The following LTBP1 variants were observed in gnomAD, a reference collection of about 807,000 sequenced individuals.
LTBP1 encodes latent transforming growth factor beta binding protein 1.
In LTBP1, 129 loss-of-function variants were observed where a neutral mutation model predicts 207.6. That is an observed-to-expected ratio of 0.62 (90% CI 0.54 to 0.72). LTBP1 has a LOEUF of 0.72. Among genes scored for constraint, LTBP1 ranks in the 30% least tolerant of loss-of-function variants. The probability of loss-of-function intolerance (pLI) is 0.00; values close to 1 mark genes in which losing one functional copy is unlikely to be tolerated. For missense variants in LTBP1, 2,281 were observed against 2,217.2 expected (o/e 1.03, Z -0.58); for synonymous variants, 963 against 833.7 (o/e 1.16, Z -2.67).
At chr2:33,071,227 A>G (rs1369664843) in intron 3 of LTBP1, among the ~76,000 whole-genome samples, 1 of 152,156 alleles carries the variant, frequency 6.6e-6, no homozygotes, top group East Asian at 1.9e-4. Context: ...TTGGTTCCTC[A>G]TGGCTTTTGG....
intron 5 of LTBP1, among the ~76,000 whole-genome samples, chr2:33,170,433 G>A (rs2085322178): frequency 6.6e-6 from 1 of 152,264 alleles, no homozygotes; most frequent in South Asian, 2.1e-4. Flanking sequence ...AAACTGCAAG[G>A]CCGCGGCCAG....
intron 5 of LTBP1, among the ~76,000 whole-genome samples, chr2:33,172,768 A>G (rs1447845908): frequency 3.3e-5 from 5 of 152,212 alleles, no homozygotes; most frequent in Non-Finnish European, 7.3e-5. Context: ...AGCTCTCCTC[A>G]GCAAATGTAA....
chr2:33,024,879 C>G (rs2075340724), intron 3 of LTBP1, among the ~76,000 whole-genome samples: 4 of 152,186 alleles, frequency 2.6e-5, no homozygotes. Flanking sequence ...AATCCAGGGG[C>G]TGCAGCCAAG....
At chr2:33,104,582 CTGACTCGATCCTTGTTTTTCTCCTCTTCT>C in intron 3 of LTBP1, among the ~76,000 whole-genome samples, 2 of 152,198 alleles carry the variant, frequency 1.3e-5, no homozygotes, top group South Asian at 4.1e-4. Flanking sequence ...CATTTTTGAA[CTGACTCGATCCTTGTTTTTCTCCTCTTCT>C]GACTTTTTGG....
At chr2:33,111,770 G>A (rs1412677249) in intron 4 of LTBP1, among the ~76,000 whole-genome samples, 2 of 152,128 alleles carry the variant, frequency 1.3e-5, no homozygotes, top group African/African-American at 2.4e-5. Context: ...TCAGTGACCG[G>A]TGGCTAGACC....
chr2:33,308,386 A>G (rs764860510), intron 22 of LTBP1, among the ~76,000 whole-genome samples: 4 of 152,194 alleles, frequency 2.6e-5, no homozygotes, highest in Non-Finnish European at 4.4e-5. Flanking sequence ...GGCTACCTCA[A>G]ACCTGTTTGT....
At chr2:33,273,302 G>A (rs2093359713) in intron 15 of LTBP1, among the ~76,000 whole-genome samples, 1 of 152,112 alleles carries the variant, frequency 6.6e-6, no homozygotes, top group Non-Finnish European at 1.5e-5. Context: ...TATCATCTAA[G>A]ATGAACTACA....
chr2:33,082,629 G>T (rs1028889661), intron 3 of LTBP1, among the ~76,000 whole-genome samples: 4 of 151,842 alleles, frequency 2.6e-5, no homozygotes, highest in Admixed American at 1.3e-4. Flanking sequence ...GTTTCACCAC[G>T]TTAGCCAGGA....
chr2:33,170,227 G>A (rs1313391616), intron 5 of LTBP1, among the ~76,000 whole-genome samples: 1 of 152,186 alleles, frequency 6.6e-6, no homozygotes, highest in Non-Finnish European at 1.5e-5. Context: ...AAGCGCAAGG[G>A]GTCAGGGAGT....
At chr2:33,065,496 G>A (rs1460025579) in intron 3 of LTBP1, among the ~76,000 whole-genome samples, 3 of 152,238 alleles carry the variant, frequency 2.0e-5, no homozygotes, top group East Asian at 3.9e-4. Flanking sequence ...TGAGGTTACA[G>A]TGATGATCAT....
intron 2 of LTBP1, among the ~76,000 whole-genome samples, chr2:32,991,384 G>T (rs891586982): frequency 1.3e-5 from 2 of 152,122 alleles, no homozygotes; most frequent in African/African-American, 4.8e-5. Context: ...AAATATAGTT[G>T]TTTAACTTTT....
chr2:33,381,327 T>C (rs2095212189), intron 31 of LTBP1, among the ~76,000 whole-genome samples: 1 of 152,186 alleles, frequency 6.6e-6, no homozygotes, highest in Non-Finnish European at 1.5e-5. Flanking sequence ...CCAACAAATC[T>C]CTTTTTTCAT....
intron 4 of LTBP1, among the ~76,000 whole-genome samples, chr2:33,126,787 G>A (rs1419912564): frequency 4.6e-5 from 7 of 152,030 alleles, no homozygotes; most frequent in African/African-American, 1.7e-4. Flanking sequence ...GCCATTGGAT[G>A]CAGTCATTTA....
intron 2 of LTBP1, among the ~76,000 whole-genome samples, chr2:33,015,969 C>G (rs1372327709): frequency 1.3e-5 from 2 of 152,102 alleles, no homozygotes; most frequent in East Asian, 1.9e-4. Context: ...GAACTCTGCC[C>G]CATAGTCCAG....
intron 7 of LTBP1, among the ~76,000 whole-genome samples, chr2:33,199,732 T>C (rs1429134190): frequency 2.0e-5 from 3 of 152,290 alleles, no homozygotes; most frequent in Admixed American, 1.3e-4. Flanking sequence ...AACCCCATCG[T>C]CTCAGCCCAA....
rs867295230 is a variant in LTBP1 at position 33,021,050 on chromosome 2, C to T, written c.707C>T (p.Pro236Leu). ...TCACCAGTCTTTGGAGGGCAGAGTC[C>T]TGGGGCTGCTTCCTCGTGGGGCCCT... Reference protein sequence around the residue: ...TSSPVFGGQSPGAASSWGPPE... With the variant: ...TSSPVFGGQSLGAASSWGPPE... Residue 236 changes from proline (P) to leucine (L), a missense_variant, in exon 3 of 34, where the codon CCT becomes CTT. Pro to Leu is a moderately conservative substitution (Grantham distance 98). Coordinates refer to ENST00000404816, the MANE Select transcript of LTBP1 (RefSeq NM_206943.4). The T allele has an allele frequency of 1.9e-6, 3 of 1,614,108 alleles. No individual in the cohort carries two copies. The highest frequency in any genetic ancestry group is 2.2e-5 in the South Asian group (2 of 91,072).
chr2:33,394,224 A>C (rs1205912691), intron 32 of LTBP1, among the ~76,000 whole-genome samples: 3 of 151,542 alleles, frequency 2.0e-5, no homozygotes, highest in African/African-American at 7.3e-5. Flanking sequence ...GATTGTAAAA[A>C]TTTTCTCCCA....
intron 3 of LTBP1, among the ~76,000 whole-genome samples, chr2:33,067,017 A>G (rs966825056): frequency 6.6e-6 from 1 of 152,080 alleles, no homozygotes; most frequent in Admixed American, 6.5e-5. Flanking sequence ...AAATAAAACA[A>G]TTTAAAAAAA....
intron 2 of LTBP1, among the ~76,000 whole-genome samples, chr2:33,012,966 C>T (rs1387814414): frequency 6.6e-6 from 1 of 152,132 alleles, no homozygotes; most frequent in African/African-American, 2.4e-5. Context: ...TTTATCAATG[C>T]TTTAAAAGCT....
Sources: gnomAD v4.1 joint callset for allele counts (sites outside exome capture counted in the v4.1 genomes callset) on GRCh38, gnomAD v4.1.1 for gene constraint, MANE v1.5 for transcripts, NCBI Gene and HGNC (gene_info 2026-07-23, HGNC 2026-07-21) for gene names.